Variants in EXOC6B observed in about 807,000 individuals in gnomAD.
EXOC6B encodes the protein SEC15 homolog B.
Under a neutral mutation model 113.5 loss-of-function variants are expected in EXOC6B, and 54 were observed. The ratio of observed to expected loss-of-function variants is 0.48; its 90% CI spans 0.38 to 0.60. The LOEUF (loss-of-function observed/expected upper bound fraction) is 0.60, where lower values mean the gene tolerates loss of function less well. Among genes scored for constraint, EXOC6B ranks in the 20% least tolerant of loss-of-function variants. The pLI is 0.00. For missense variants in EXOC6B, 797 were observed against 977.5 expected (o/e 0.82, Z 2.46); for synonymous variants, 357 against 339.0 (o/e 1.05, Z -0.58).
intron 1 of EXOC6B, among the ~76,000 whole-genome samples, chr2:72,785,799 A>G (rs908708319): frequency 9.9e-5 from 15 of 152,258 alleles, no homozygotes; most frequent in African/African-American, 3.6e-4. Flanking sequence ...GGGGATTAAC[A>G]TTAGGCTCCT....
rs746903471 is a variant in EXOC6B at position 72,334,956 on chromosome 2, G to A, written c.2187C>T (p.Asp729=). 6 of 1,613,174 alleles carry A rather than the reference G, an allele frequency of 3.7e-6. No homozygotes were observed. In the East Asian group the frequency reaches 1.3e-4, roughly 36 times the overall value. The change falls in exon 20 of 22, where the codon GAC becomes GAT. Residue 729 remains aspartate, a synonymous_variant. Transcript: ENST00000272427. ...QEDTLQLAFI[D]LRQLLDLFIQ... ...AAACACAAAGACTTACTTGTCTCAA[G>A]TCGATGAAGGCCAACTGCAGCGTGT...
intron 18 of EXOC6B, among the ~76,000 whole-genome samples, chr2:72,424,568 T>C (rs780253062): frequency 1.3e-5 from 2 of 152,174 alleles, no homozygotes; most frequent in Admixed American, 6.5e-5. Flanking sequence ...GTTTTCATTA[T>C]CAATTCCTGT....
At chr2:72,630,454 C>T (rs571714217) in intron 6 of EXOC6B, among the ~76,000 whole-genome samples, 1 of 152,228 alleles carries the variant, frequency 6.6e-6, no homozygotes, top group South Asian at 2.1e-4. Context: ...CCCCTTAGAC[C>T]TGCATTATCC....
intron 18 of EXOC6B, among the ~76,000 whole-genome samples, chr2:72,432,273 T>C (rs1320614422): frequency 6.6e-6 from 1 of 152,138 alleles, no homozygotes; most frequent in Non-Finnish European, 1.5e-5. Context: ...TGACCTCAGG[T>C]GATCCACCCA....
At chr2:72,261,991 T>G (rs1168282077) in intron 20 of EXOC6B, among the ~76,000 whole-genome samples, 1 of 152,136 alleles carries the variant, frequency 6.6e-6, no homozygotes, top group African/African-American at 2.4e-5. Flanking sequence ...TTGCTCACAT[T>G]TACACAGGCA....
At chr2:72,590,521 C>T (rs1467477560) in intron 6 of EXOC6B, among the ~76,000 whole-genome samples, 1 of 151,916 alleles carries the variant, frequency 6.6e-6, no homozygotes, top group Non-Finnish European at 1.5e-5. Context: ...GGATCTAAAG[C>T]CTAGCTTTGT....
chr2:72,688,562 G>A (rs924657762), intron 6 of EXOC6B, among the ~76,000 whole-genome samples: 2 of 152,062 alleles, frequency 1.3e-5, no homozygotes, highest in African/African-American at 2.4e-5. Context: ...CAGGGGGCAG[G>A]AGGAGAGAAG....
chr2:72,204,663 C>T (rs1261459711), intron 20 of EXOC6B, among the ~76,000 whole-genome samples: 2 of 152,154 alleles, frequency 1.3e-5, no homozygotes, highest in Admixed American at 1.3e-4. Context: ...TCACCTTGCG[C>T]TGAACTTGTA....
At chr2:72,351,109 A>T (rs1003385954) in intron 19 of EXOC6B, among the ~76,000 whole-genome samples, 1 of 152,178 alleles carries the variant, frequency 6.6e-6, no homozygotes, top group Non-Finnish European at 1.5e-5. Context: ...GGCCTCAAGC[A>T]GTCTGACAGC....
intron 8 of EXOC6B, among the ~76,000 whole-genome samples, chr2:72,517,378 T>C (rs1312688211): frequency 6.6e-6 from 1 of 152,200 alleles, no homozygotes; most frequent in African/African-American, 2.4e-5. Flanking sequence ...TATGGTTTGT[T>C]GAACCCTGGT....
intron 20 of EXOC6B, among the ~76,000 whole-genome samples, chr2:72,269,473 T>C (rs1026496942): frequency 4.6e-5 from 7 of 152,204 alleles, no homozygotes; most frequent in African/African-American, 1.7e-4. Flanking sequence ...GCTATACTGG[T>C]TCCAGGCAAG....
At chr2:72,214,422 C>T (rs532689518) in intron 20 of EXOC6B, among the ~76,000 whole-genome samples, 20 of 149,258 alleles carry the variant, frequency 1.3e-4, no homozygotes, top group South Asian at 6.3e-4. Context: ...ACCTGGGAGG[C>T]GGAGCTTGCA....
chr2:72,332,930 T>A (rs1688491167), intron 20 of EXOC6B, among the ~76,000 whole-genome samples: 1 of 152,066 alleles, frequency 6.6e-6, no homozygotes, highest in African/African-American at 2.4e-5. Context: ...GAGAGATCAT[T>A]TTTTTCACAA....
intron 1 of EXOC6B, among the ~76,000 whole-genome samples, chr2:72,819,703 C>T (rs1233693999): frequency 6.6e-6 from 1 of 152,030 alleles, no homozygotes; most frequent in African/African-American, 2.4e-5. Context: ...ACTTGAGTGA[C>T]CAATGCCTAG....
intron 16 of EXOC6B, among the ~76,000 whole-genome samples, chr2:72,481,482 A>G (rs1303501671): frequency 6.6e-6 from 1 of 152,232 alleles, no homozygotes; most frequent in Non-Finnish European, 1.5e-5. Context: ...ATGATCACCA[A>G]AAGAACAGGA....
chr2:72,721,891 G>C, intron 5 of EXOC6B: 1 of 151,202 alleles, frequency 6.6e-6, no homozygotes, highest in East Asian at 1.9e-4. Flanking sequence ...TCTTATCAGA[G>C]GACAATATTT....
rs1677883147 is a variant in EXOC6B at position 72,178,601 on chromosome 2, T to G, written c.*734A>C. The G allele has an allele frequency of 6.6e-6, 1 of 152,164 alleles. No homozygotes were observed. Among genetic ancestry groups the G allele is most frequent in the African/African-American group, 2.4e-5 (1 of 41,430 alleles). 9.4% of individuals were successfully genotyped at this position (152,164 alleles called of 1,614,324 possible). Reference sequence around the variant, plus strand: ...TCAAGATCCAGAAAAACTCTTCGAGTTGAGACTCAACACTCCTAGAGCTGG... The same window carrying G: ...TCAAGATCCAGAAAAACTCTTCGAGGTGAGACTCAACACTCCTAGAGCTGG... On this transcript the variant is annotated 3_prime_UTR_variant, in exon 22 of 22. Coordinates refer to ENST00000272427, the MANE Select transcript of EXOC6B (RefSeq NM_015189.3).
intron 8 of EXOC6B, among the ~76,000 whole-genome samples, chr2:72,522,897 C>G (rs1558760092): frequency 6.6e-6 from 1 of 152,216 alleles, no homozygotes; most frequent in Non-Finnish European, 1.5e-5. Context: ...GCATGATCCA[C>G]TTTCACTCCA....
chr2:72,465,351 T>A lies in EXOC6B; in HGVS notation c.1801-12A>T. 6.4e-7 allele frequency: 1 copy of A among 1,556,754 alleles called. No individual in the cohort carries two copies. The highest frequency in any genetic ancestry group is 2.0e-5 in the Admixed American group (1 of 50,126). ...GCATGTCTAGCATCCTGTGAAAAAA[T>A]ATAAAATTTGAAAAATCACTCAGAT... On this transcript the variant is annotated splice_polypyrimidine_tract_variant and intron_variant, in intron 17 of 21. Coordinates refer to ENST00000272427, the MANE Select transcript of EXOC6B (RefSeq NM_015189.3).
Sources: allele counts gnomAD v4.1 joint callset (sites outside exome capture counted in the v4.1 genomes callset), GRCh38; gene constraint gnomAD v4.1.1; transcripts MANE v1.5; gene names NCBI Gene and HGNC (gene_info 2026-07-23, HGNC 2026-07-21).